The following JMJD1C variants were observed in gnomAD, a reference collection of about 807,000 sequenced individuals.
The protein encoded by JMJD1C is jumonji domain containing 1C.
Under a neutral mutation model 245.3 loss-of-function variants are expected in JMJD1C, and 31 were observed. The observed-to-expected ratio is 0.13, with a 90% confidence interval of 0.09 to 0.17. The LOEUF (loss-of-function observed/expected upper bound fraction) is 0.17. Ranked by LOEUF, JMJD1C falls within the 10% of genes least tolerant of loss-of-function variation. JMJD1C has a pLI of 1.00. For missense variants in JMJD1C, 2,691 were observed against 3,000.2 expected (o/e 0.90, Z 2.41); for synonymous variants, 1,057 against 1,017.4 (o/e 1.04, Z -0.74).
Position 63,193,403 on chromosome 10 carries a change from C to A in JMJD1C, c.5804G>T (p.Cys1935Phe). The A allele has an allele frequency of 1.2e-6, 2 of 1,602,126 alleles. No individual in the cohort carries two copies. Among genetic ancestry groups the A allele is most frequent in the Non-Finnish European group, 1.7e-6 (2 of 1,170,874 alleles). The stretch of plus-strand genomic sequence containing the variant: ...AACTTGTAAATTCTGTTTGTTAGTA[C>A]AATGACAATGGGATTTAATACCATA... ...EKYGIKSHCH[C>F]TNKQNLQVGN... The change falls in exon 15 of 26, where the codon TGT (cysteine) becomes TTT (phenylalanine). Residue 1935 changes from cysteine to phenylalanine, a missense_variant. Physicochemically the swap from Cys to Phe is radical, Grantham distance 205. Around this residue, in one of 9 missense-constraint regions of JMJD1C, gnomAD observed 275 missense variants for 285.5 expected, o/e 0.96. Transcript: ENST00000399262.
chr10:63,493,949 C>A (rs1954263985), intron 1 of JMJD1C, among the ~76,000 whole-genome samples: 1 of 152,168 alleles, frequency 6.6e-6, no homozygotes, highest in Non-Finnish European at 1.5e-5. Flanking sequence ...ACCATGGAGT[C>A]TTTTCTTCCC....
At chr10:63,249,752 C>T (rs866301197) in intron 3 of JMJD1C, among the ~76,000 whole-genome samples, 3 of 151,516 alleles carry the variant, frequency 2.0e-5, no homozygotes, top group African/African-American at 7.3e-5. Context: ...CCCAACTACT[C>T]GGGAGGCTGA....
intron 1 of JMJD1C, among the ~76,000 whole-genome samples, chr10:63,414,766 T>G (rs7911967): frequency 0.99 from 149,781 of 152,028 alleles, 73,817 homozygotes; most frequent in Middle Eastern, 1. Flanking sequence ...AACTCACCGG[T>G]TGTGGTGGCA....
chr10:63,493,824 A>C (rs1476511583), intron 1 of JMJD1C, among the ~76,000 whole-genome samples: 1 of 152,218 alleles, frequency 6.6e-6, no homozygotes, highest in Non-Finnish European at 1.5e-5. Context: ...GTTAGAAAGG[A>C]ACTGGGAAAA....
chr10:63,207,822 T>G lies in JMJD1C; in HGVS notation c.3847A>C (p.Ser1283Arg). 6.2e-7 allele frequency: 1 copy of G among 1,614,192 alleles called. No individual in the cohort carries two copies. Among genetic ancestry groups the G allele is most frequent in the Non-Finnish European group, 8.5e-7 (1 of 1,180,026 alleles). Residue 1283 changes from serine to arginine, a missense_variant, in exon 10 of 26, where the codon AGC (serine) becomes CGC (arginine). Coordinates refer to ENST00000399262, the MANE Select transcript of JMJD1C (RefSeq NM_032776.3). ...TEMWRPNNNL[S>R]KEKTEWHVEK... ...ACATGCCATTCAGTTTTCTCTTTGC[T>G]GAGGTTATTATTAGGTCTCCACATC...
chr10:63,177,827 A>G lies in JMJD1C; in HGVS notation c.7114T>C (p.Leu2372=), dbSNP rs763845402. ...GILKKFEEED[L]DDILRKRLKD... ...AATCTTTTCCTTAAAATGTCATCCA[A>G]ATCTTCTTCCTCAAATTTCTTGAGA... The change falls in exon 23 of 26, where the codon TTG becomes CTG. Residue 2372 remains leucine (L), a synonymous_variant. Transcript: ENST00000399262. 5.0e-6 allele frequency: 8 copies of G among 1,613,218 alleles called. No individual in the cohort carries two copies. The Admixed American group carries it at 1.3e-4, about 27-fold the overall frequency.
intron 3 of JMJD1C, among the ~76,000 whole-genome samples, chr10:63,244,335 C>A (rs1713872255): frequency 6.6e-6 from 1 of 152,082 alleles, no homozygotes; most frequent in African/African-American, 2.4e-5. Flanking sequence ...AGAACCAAGG[C>A]AAATCTGGGC....
intron 2 of JMJD1C, among the ~76,000 whole-genome samples, chr10:63,345,147 A>G (rs1943699948): frequency 1.3e-5 from 2 of 152,312 alleles, no homozygotes; most frequent in Non-Finnish European, 2.9e-5. Context: ...GGGTGAATGG[A>G]TAATCTAACT....
intron 1 of JMJD1C, among the ~76,000 whole-genome samples, chr10:63,387,623 A>AC (rs1947714672): frequency 3.6e-5 from 1 of 28,168 alleles, no homozygotes; most frequent in African/African-American, 7.5e-5. Flanking sequence ...AAAAAAGAAA[A>AC]AAAAAATTTT....
chr10:63,511,856 G>A (rs1449440512), intron 1 of JMJD1C, among the ~76,000 whole-genome samples: 1 of 152,146 alleles, frequency 6.6e-6, no homozygotes, highest in African/African-American at 2.4e-5. Flanking sequence ...AAGGAGCCCT[G>A]GAACCAATTG....
rs192726290 is a variant in JMJD1C, at chr10:63,273,404, C to T, written c.334-8640G>A. Among the ~76,000 whole-genome samples, 50 of 152,254 alleles carry T rather than the reference C, an allele frequency of 3.3e-4. No homozygotes were observed. In the East Asian group the frequency reaches 7.7e-3, roughly 23 times the overall value. On this transcript the variant is annotated intron_variant, in intron 2 of 25. Transcript: ENST00000399262. ...TGGTCTGGTATTAATTGGTCTGGTA[C>T]TCTGGTAAATTTTTAACACAAACAA... is the stretch of plus-strand genomic sequence containing the variant.
At chr10:63,254,055 GC>G (rs1328502864) in intron 3 of JMJD1C, among the ~76,000 whole-genome samples, 1 of 152,108 alleles carries the variant, frequency 6.6e-6, no homozygotes, top group Non-Finnish European at 1.5e-5. Context: ...TTAGTCTGAA[GC>G]CTAGAAAGAC....
chr10:63,509,639 T>C (rs920833668), intron 1 of JMJD1C, among the ~76,000 whole-genome samples: 2 of 152,356 alleles, frequency 1.3e-5, no homozygotes, highest in African/African-American at 2.4e-5. Flanking sequence ...TTTTGGCAGA[T>C]TGTACCTTTC....
rs1950543572 is a variant in JMJD1C at position 63,428,077 on chromosome 10, A to ATC, written c.168+37417_168+37418insGA. On this transcript the variant is annotated intron_variant, in intron 1 of 25. Transcript: ENST00000399262. The stretch of plus-strand genomic sequence containing the variant: ...ATACACACAACACACATATATATAT[A>ATC]TTAAGACAGCTGATCAATTACTTTA... 1.2e-5 allele frequency: 6 copies of ATC among 490,940 alleles called. No homozygotes were observed. The East Asian group carries it at 1.9e-4, about 15-fold the overall frequency. The allele number at this position is 490,940 out of a possible 1,614,324, so 30.4% of individuals were successfully genotyped here. A position where few individuals can be genotyped will look rare whatever the true frequency, so the allele number is the denominator to read the frequency against.
chr10:63,361,733 AAAAAAAAAAAAAAAG>A (rs1945355769), intron 2 of JMJD1C, among the ~76,000 whole-genome samples: 1 of 149,562 alleles, frequency 6.7e-6, no homozygotes, highest in Non-Finnish European at 1.5e-5. Flanking sequence ...AAAAAAAAAA[AAAAAAAAAAAAAAAG>A]AAAAAGAATA....
At chr10:63,455,764 A>G (rs1272301865) in intron 1 of JMJD1C, among the ~76,000 whole-genome samples, 3 of 152,162 alleles carry the variant, frequency 2.0e-5, no homozygotes, top group Admixed American at 6.5e-5. Context: ...ATGAGAATTC[A>G]GTACTCTCAG....
At position 63,223,229 on chromosome 10, in the gene JMJD1C, G is replaced by GGTTT. The variant is rs1564636682; in HGVS notation, c.448-3247_448-3246insAAAC. On this transcript the variant is annotated intron_variant, in intron 3 of 25. Transcript: ENST00000399262. ...AATTATAAACTGTTTTTTCTGTGCT[G>GGTTT]TTTTTTTTTTTTTTTTTCTGAGACA... Among the ~76,000 whole-genome samples the GGTTT allele has an allele frequency of 1.6e-5, 2 of 128,404 alleles. 1 individual carries two copies. Among genetic ancestry groups the GGTTT allele is most frequent in the Non-Finnish European group, 3.2e-5 (2 of 62,298 alleles). The allele number at this position is 128,404 out of a possible 152,430, so 84.2% of individuals were successfully genotyped here.
intron 1 of JMJD1C, among the ~76,000 whole-genome samples, chr10:63,450,041 A>G (rs1032617882): frequency 1.3e-5 from 2 of 152,142 alleles, no homozygotes; most frequent in Admixed American, 6.6e-5. Context: ...TGGGCCCAGG[A>G]GGTCCGGGCT....
Position 63,208,419 on chromosome 10 carries a change from C to T in JMJD1C, c.3250G>A (p.Val1084Met), listed in dbSNP as rs200952020. Residue 1084 changes from valine to methionine, a missense_variant, in exon 10 of 26, where the codon GTG becomes ATG. Val to Met is a conservative substitution (Grantham distance 21). Coordinates refer to ENST00000399262, the MANE Select transcript of JMJD1C (RefSeq NM_032776.3). ...VSDLYKMKHSVPQSLPQSNYF... is the reference protein window; with the variant it reads ...VSDLYKMKHSMPQSLPQSNYF... ...TTACTTTGGGGTAAACTCTGAGGCA[C>T]TGAGTGCTTCATTTTATAAAGATCT... 66 of 1,613,988 alleles carry T rather than the reference C, an allele frequency of 4.1e-5. No homozygotes were observed. Among genetic ancestry groups the T allele is most frequent in the South Asian group, 2.2e-4 (20 of 91,072 alleles).
Sources: gnomAD v4.1 joint callset for allele counts (sites outside exome capture counted in the v4.1 genomes callset) on GRCh38, gnomAD v4.1.1 for gene constraint, gnomAD v4.1.1 regional missense constraint, MANE v1.5 for transcripts, NCBI Gene and HGNC (gene_info 2026-07-23, HGNC 2026-07-21) for gene names.